The following TNFRSF8 variants were observed in gnomAD, a reference collection of about 807,000 sequenced individuals.
TNFRSF8 encodes the protein TNF receptor superfamily member 8.
TNFRSF8 carries 26 observed loss-of-function variants against 70.8 expected under a neutral mutation model. The observed-to-expected ratio is 0.37, with a 90% CI of 0.27 to 0.51. TNFRSF8 has a LOEUF of 0.51. TNFRSF8 is among the 20% of genes least tolerant of loss of function. TNFRSF8 has a pLI of 0.94. For synonymous variants in TNFRSF8, 356 were observed against 339.2 expected, an observed-to-expected ratio of 1.05 and a Z score of -0.54; for missense variants, 720 against 807.9, an observed-to-expected ratio of 0.89 and a Z score of 1.32.
At chr1:12,072,739 T>C (rs1287773861) in intron 1 of TNFRSF8, among the ~76,000 whole-genome samples, 1 of 152,148 alleles carries the variant, frequency 6.6e-6, no homozygotes, top group East Asian at 1.9e-4. Context: ...CGGTTCCTGC[T>C]CTCAGAGAGT....
intron 2 of TNFRSF8, among the ~76,000 whole-genome samples, chr1:12,092,324 G>A (rs1437254112): frequency 6.6e-6 from 1 of 151,806 alleles, no homozygotes; most frequent in African/African-American, 2.4e-5. Flanking sequence ...GGAGTACAAT[G>A]TGACATCACA....
intron 10 of TNFRSF8, 115 bp from the exon 11 acceptor site, chr1:12,125,836 T>C: frequency 2.4e-6 from 2 of 835,774 alleles, no homozygotes; most frequent in South Asian, 2.7e-5. Context: ...AAGGACCTGT[T>C]GTTGTTAGCC....
intron 4 of TNFRSF8, among the ~76,000 whole-genome samples, chr1:12,105,263 G>T (rs1641499499): frequency 6.6e-6 from 1 of 152,080 alleles, no homozygotes; most frequent in South Asian, 2.1e-4. Flanking sequence ...AGTGCCTGTG[G>T]TCCCTCCCCC....
intron 12 of TNFRSF8, among the ~76,000 whole-genome samples, chr1:12,131,035 C>T (rs1454643371): frequency 6.6e-6 from 1 of 152,202 alleles, no homozygotes; most frequent in Non-Finnish European, 1.5e-5. Context: ...TGAACTCTGA[C>T]TTTCCATTCA....
At chr1:12,067,204 C>T (rs577179390) in intron 1 of TNFRSF8, among the ~76,000 whole-genome samples, 4 of 152,280 alleles carry the variant, frequency 2.6e-5, no homozygotes, top group Non-Finnish European at 4.4e-5. Flanking sequence ...GGTGGGGTTG[C>T]GGGGCGGGGG....
At chr1:12,080,297 G>A (rs946843180) in intron 1 of TNFRSF8, 1 of 523,930 alleles carries the variant, frequency 1.9e-6, no homozygotes, top group Non-Finnish European at 3.8e-6. Flanking sequence ...GTAATCAGGA[G>A]CCAGTGGAAC....
At chr1:12,125,278 T>C (rs488733) in intron 10 of TNFRSF8, among the ~76,000 whole-genome samples, 100,922 of 152,122 alleles carry the variant, frequency 0.66, 34,893 homozygotes, top group African/African-American at 0.86. Context: ...GAAGTAGATC[T>C]AGATAGGGGT....
intron 8 of TNFRSF8, among the ~76,000 whole-genome samples, chr1:12,122,677 C>T (rs182274712): frequency 6.6e-6 from 1 of 151,692 alleles, no homozygotes; most frequent in African/African-American, 2.4e-5. Context: ...ATAAATAATT[C>T]CTTAATAAAG....
At position 12,088,728 on chromosome 1, in the gene TNFRSF8, C is replaced by T. The variant is rs941160211; in HGVS notation, c.151+4177C>T. Among the ~76,000 whole-genome samples, 2 of 152,216 alleles carry T rather than the reference C, an allele frequency of 1.3e-5. No individual in the cohort carries two copies. Among genetic ancestry groups the T allele is most frequent in the African/African-American group, 2.4e-5 (1 of 41,460 alleles). ...ATGGCAGGTGTATCCCATCTTGTCCCAGGAGCTGAGGGTTCCTCCGAAGGC... is the reference window on the plus strand; with the variant it reads ...ATGGCAGGTGTATCCCATCTTGTCCTAGGAGCTGAGGGTTCCTCCGAAGGC... On this transcript the variant is annotated intron_variant, in intron 2 of 14. Coordinates refer to ENST00000263932, the MANE Select transcript of TNFRSF8 (RefSeq NM_001243.5). The surrounding 1 kb of genome is among the most constrained non-coding windows in gnomAD (Gnocchi z 4.0).
rs1641641897 is a variant in TNFRSF8, at chr1:12,111,994, C to T, written c.773C>T (p.Ala258Val). 3.7e-6 allele frequency: 6 copies of T among 1,614,028 alleles called. No individual in the cohort carries two copies. The highest frequency in any genetic ancestry group is 2.7e-5 in the African/African-American group (2 of 74,952). Residue 258 changes from alanine to valine, a missense_variant, in exon 7 of 15, where the codon GCC (alanine) becomes GTC (valine). Physicochemically the swap from Ala to Val is moderately conservative, Grantham distance 64. Coordinates refer to ENST00000263932, the MANE Select transcript of TNFRSF8 (RefSeq NM_001243.5). ...YYLDEAGRCTACVSCSRDDLV... is the reference protein window; with the variant it reads ...YYLDEAGRCTVCVSCSRDDLV... The stretch of plus-strand genomic sequence containing the variant: ...CTGGACGAGGCCGGCCGCTGCACGG[C>T]CTGCGTGAGCTGTTCTCGAGGTAAG...
chr1:12,085,984 C>A (rs1233553958), intron 2 of TNFRSF8, among the ~76,000 whole-genome samples: 1 of 152,224 alleles, frequency 6.6e-6, no homozygotes, highest in African/African-American at 2.4e-5. Flanking sequence ...GTGTCTGGTT[C>A]ATCATCGCCA....
At chr1:12,128,337 C>G (rs1222217684) in intron 12 of TNFRSF8, among the ~76,000 whole-genome samples, 1 of 152,226 alleles carries the variant, frequency 6.6e-6, no homozygotes. Flanking sequence ...AGAGGGTGCT[C>G]TTGGTTCCTT....
rs765667725 is a variant in TNFRSF8 at position 12,125,916 on chromosome 1, C to A, written c.1154-35C>A. ...CTGGGGCTGTCTTGTGTGGTTGCAG[C>A]AAGGCAAAGAGTGTGGGGCGTCTCT... On this transcript the variant is annotated intron_variant, in intron 10 of 14. Coordinates refer to ENST00000263932, the MANE Select transcript of TNFRSF8 (RefSeq NM_001243.5). The A allele has an allele frequency of 1.9e-6, 3 of 1,572,158 alleles. No individual in the cohort carries two copies. In the African/African-American group the frequency reaches 4.0e-5, roughly 21 times the overall value.
intron 1 of TNFRSF8, among the ~76,000 whole-genome samples, chr1:12,074,645 A>G (rs755397049): frequency 1.3e-5 from 2 of 152,184 alleles, no homozygotes; most frequent in Non-Finnish European, 2.9e-5. Flanking sequence ...GAAGTTTGAG[A>G]AACATTGCAG....
chr1:12,084,745 TG>T (rs1374715037), intron 2 of TNFRSF8, among the ~76,000 whole-genome samples, 194 bp downstream of exon 2: 5 of 85,710 alleles, frequency 5.8e-5, no homozygotes, highest in Non-Finnish European at 1.4e-4. Flanking sequence ...GAATTGAGAC[TG>T]TGTTTCTTGC....
At chr1:12,079,917 A>AT (rs1641033431) in intron 1 of TNFRSF8, among the ~76,000 whole-genome samples, 1 of 140,014 alleles carries the variant, frequency 7.1e-6, no homozygotes, top group African/African-American at 2.6e-5. Flanking sequence ...TCACTACTTT[A>AT]TTTTTATCAC....
In TNFRSF8 at chr1:12,109,960, G is replaced by A. The variant is rs1641597666; in HGVS notation, c.513-81G>A. ...GCCAAGGGCCTGGGACCCCATCTCT[G>A]TGGAAACTGTTACTCGTGAGCACAG... is the stretch of plus-strand genomic sequence containing the variant. On this transcript the variant is annotated intron_variant, in intron 5 of 14. Coordinates refer to ENST00000263932, the MANE Select transcript of TNFRSF8 (RefSeq NM_001243.5). The surrounding 1 kb of genome is among the most constrained non-coding windows in gnomAD (Gnocchi z 4.4). The A allele has an allele frequency of 6.6e-7, 1 of 1,519,156 alleles. No homozygotes were observed. The highest frequency in any genetic ancestry group is 1.2e-5 in the South Asian group (1 of 80,066). The allele number at this position is 1,519,156 out of a possible 1,614,324, so 94.1% of individuals were successfully genotyped here.
In TNFRSF8 at chr1:12,108,614, A is replaced by G. The variant is rs1641571015; in HGVS notation, c.422-952A>G. On this transcript the variant is annotated intron_variant, in intron 4 of 14. Coordinates refer to ENST00000263932, the MANE Select transcript of TNFRSF8 (RefSeq NM_001243.5). This position sits in a 1 kb window ranked among gnomAD's most constrained non-coding sequence, Gnocchi z 4.0. ...GGAGGGTGGATCACCTGAGGTCAGG[A>G]GTTCGAGACCAGCCTGGCCAACATG... 6.6e-6 allele frequency among the ~76,000 whole-genome samples: 1 copy of G among 151,862 alleles called. No individual in the cohort carries two copies. The highest frequency in any genetic ancestry group is 2.4e-5 in the African/African-American group (1 of 41,372).
At chr1:12,140,339 TCCCATCCAGTTCCCAAGAGGG>T (rs1642228792) in intron 14 of TNFRSF8, among the ~76,000 whole-genome samples, 1 of 152,166 alleles carries the variant, frequency 6.6e-6, no homozygotes, top group Admixed American at 6.5e-5. Flanking sequence ...CGTTCCCCCT[TCCCATCCAGTTCCCAAGAGGG>T]GTCACACTGG....
Sources: gnomAD v4.1 joint callset for allele counts (sites outside exome capture counted in the v4.1 genomes callset) on GRCh38, gnomAD v4.1.1 for gene constraint, Gnocchi (gnomAD v3.1) non-coding constraint, MANE v1.5 for transcripts, NCBI Gene and HGNC (gene_info 2026-07-23, HGNC 2026-07-21) for gene names.